Variants in NAV3 observed in about 807,000 individuals in gnomAD.
NAV3 encodes pore membrane and/or filament interacting like protein 1.
A neutral mutation model predicts 244.7 loss-of-function variants in NAV3; 87 were observed. That is an observed-to-expected ratio of 0.36 (90% confidence interval 0.30 to 0.42). NAV3 has a LOEUF of 0.42. Ranked by LOEUF, NAV3 falls within the 20% of genes least tolerant of loss-of-function variation. The pLI, the probability that NAV3 is intolerant of heterozygous loss-of-function variation, is 1.00. For synonymous variants in NAV3, 1,126 were observed against 1,042.2 expected, an observed-to-expected ratio of 1.08 and a Z score of -1.55; for missense variants, 2,663 against 2,893.3, an observed-to-expected ratio of 0.92 and a Z score of 1.83.
At chr12:78,074,309 A>G (rs1952934641) in intron 12 of NAV3, among the ~76,000 whole-genome samples, 1 of 152,242 alleles carries the variant, frequency 6.6e-6, no homozygotes, top group South Asian at 2.1e-4. Flanking sequence ...TAAGATTGAC[A>G]TACAACTAGG....
At chr12:78,160,173 A>G (rs1957467023) in intron 23 of NAV3, among the ~76,000 whole-genome samples, 1 of 152,202 alleles carries the variant, frequency 6.6e-6, no homozygotes, top group Non-Finnish European at 1.5e-5. Flanking sequence ...AAAGGATTTT[A>G]TGGTATGAAA....
chr12:77,590,148 G>A (rs1309346779), intron 2 of NAV3, among the ~76,000 whole-genome samples: 1 of 152,150 alleles, frequency 6.6e-6, no homozygotes, highest in Non-Finnish European at 1.5e-5. Context: ...TATCATAAAT[G>A]GCAAAGGAAC....
chr12:77,573,790 G>A (rs1286517928), intron 2 of NAV3, among the ~76,000 whole-genome samples: 4 of 152,156 alleles, frequency 2.6e-5, no homozygotes, highest in African/African-American at 9.7e-5. Flanking sequence ...AATTTCTGAT[G>A]GAGATGCTGC....
chr12:78,167,192 A>T lies in NAV3; in HGVS notation c.4870-1563A>T, dbSNP rs530805790. ...ATATAAAAATTGGAGAGACTGAGTC[A>T]TTATGATGAATTGGGTCTGACTTTT... On this transcript the variant is annotated intron_variant, in intron 23 of 39. Coordinates refer to ENST00000397909, the MANE Select transcript of NAV3 (RefSeq NM_001024383.2). Among the ~76,000 whole-genome samples the T allele has an allele frequency of 1.1e-4, 16 of 151,952 alleles. No individual in the cohort carries two copies. The East Asian group carries it at 3.1e-3, about 29-fold the overall frequency.
At chr12:77,846,593 G>T (rs1876676159) in intron 1 of NAV3, among the ~76,000 whole-genome samples, 1 of 152,034 alleles carries the variant, frequency 6.6e-6, no homozygotes, top group African/African-American at 2.4e-5. Context: ...TTTCATTCTA[G>T]TTTTCTATAA....
chr12:77,791,942 A>G (rs1871194909), intron 2 of NAV3, among the ~76,000 whole-genome samples: 1 of 152,226 alleles, frequency 6.6e-6, no homozygotes, highest in Non-Finnish European at 1.5e-5. Context: ...ATCATTTTAT[A>G]TCAGAGACTT....
At chr12:78,173,743 TAA>T (rs58966039) in intron 24 of NAV3, among the ~76,000 whole-genome samples, 140 of 143,608 alleles carry the variant, frequency 9.7e-4, no homozygotes, top group East Asian at 2.8e-3. Flanking sequence ...CTAGGGATTA[TAA>T]AAAAAAAAAA....
At chr12:78,100,680 T>C (rs567225634) in intron 12 of NAV3, among the ~76,000 whole-genome samples, 35 of 152,204 alleles carry the variant, frequency 2.3e-4, no homozygotes, top group Middle Eastern at 3.4e-3. Context: ...ACTTCTAAGA[T>C]ACTCTAATTT....
At chr12:77,958,595 T>C (rs1228587575) in intron 3 of NAV3, among the ~76,000 whole-genome samples, 1 of 152,214 alleles carries the variant, frequency 6.6e-6, no homozygotes, top group African/African-American at 2.4e-5. Flanking sequence ...AGATTAAGTA[T>C]TTTGATGAAA....
rs868724802 is a variant in NAV3, at chr12:77,831,173, G to C, written c.-289G>C. On this transcript the variant is annotated 5_prime_UTR_variant, in exon 1 of 40. Coordinates refer to ENST00000397909, the MANE Select transcript of NAV3 (RefSeq NM_001024383.2). ...GAACAGAGAGAGAGAGAGAGACAGA[G>C]AGAGAGAGAGAGAGAGAGAGACAGA... 1.4e-3 allele frequency: 162 copies of C among 112,628 alleles called. No individual in the cohort carries two copies. The highest frequency in any genetic ancestry group is 0.01 in the Middle Eastern group (3 of 294). 7.0% of individuals were successfully genotyped at this position (112,628 alleles called of 1,614,324 possible).
intron 12 of NAV3, among the ~76,000 whole-genome samples, chr12:78,109,016 A>G (rs574670331): frequency 6.6e-6 from 1 of 152,128 alleles, no homozygotes; most frequent in African/African-American, 2.4e-5. Flanking sequence ...ACAAAACTAA[A>G]ATTTGGTTAT....
intron 12 of NAV3, among the ~76,000 whole-genome samples, chr12:78,099,068 T>G (rs556987608): frequency 1.3e-5 from 2 of 151,652 alleles, no homozygotes; most frequent in East Asian, 3.9e-4. Context: ...CCAAAACCTG[T>G]GAGTCAGTAA....
upstream of NAV3, among the ~76,000 whole-genome samples, chr12:77,826,785 T>C (rs1312023074): frequency 6.6e-6 from 1 of 152,216 alleles, no homozygotes; most frequent in Non-Finnish European, 1.5e-5. Context: ...AGTGAGACAT[T>C]ATCTACGGTA....
intron 2 of NAV3, among the ~76,000 whole-genome samples, chr12:77,583,104 A>T (rs538060802): frequency 6.6e-6 from 1 of 152,356 alleles, no homozygotes; most frequent in East Asian, 1.9e-4. Flanking sequence ...AGTACTCCTC[A>T]GAATGTATAC....
intron 2 of NAV3, among the ~76,000 whole-genome samples, chr12:77,774,396 T>C (rs1870246325): frequency 6.6e-6 from 1 of 151,994 alleles, no homozygotes; most frequent in Admixed American, 6.6e-5. Flanking sequence ...CACTACTCAG[T>C]CAGCAATATA....
chr12:77,978,375 G>A (rs1446674103), intron 5 of NAV3, among the ~76,000 whole-genome samples: 1 of 152,024 alleles, frequency 6.6e-6, no homozygotes, highest in East Asian at 1.9e-4. Context: ...GGCCTAGTTA[G>A]ATATTTTCTA....
At chr12:77,649,612 A>G (rs1255811252) in intron 2 of NAV3, among the ~76,000 whole-genome samples, 1 of 152,188 alleles carries the variant, frequency 6.6e-6, no homozygotes, top group Non-Finnish European at 1.5e-5. Context: ...TAAAAGAATG[A>G]AATTCATGTT....
intron 9 of NAV3, among the ~76,000 whole-genome samples, chr12:78,030,365 C>T (rs146718266): frequency 8.9e-4 from 136 of 152,238 alleles, no homozygotes; most frequent in African/African-American, 2.8e-3. Context: ...GAATTTATTG[C>T]CAGGTCCTAG....
chr12:77,634,208 A>G (rs1592525115), intron 2 of NAV3, among the ~76,000 whole-genome samples: 2 of 152,174 alleles, frequency 1.3e-5, no homozygotes, highest in Admixed American at 1.3e-4. Context: ...GGTCCCTGAC[A>G]TAAAGCAGGT....
Sources: allele counts gnomAD v4.1 joint callset (sites outside exome capture counted in the v4.1 genomes callset), GRCh38; gene constraint gnomAD v4.1.1; transcripts MANE v1.5; gene names NCBI Gene and HGNC (gene_info 2026-07-23, HGNC 2026-07-21).